The following TAF6 variants were observed in gnomAD, a reference collection of about 807,000 sequenced individuals.
TAF6 encodes TATA-box binding protein associated factor 6, also known as transcription initiation factor TFIID subunit 6.
A neutral mutation model predicts 73.5 loss-of-function variants in TAF6; 50 were observed. The observed-to-expected ratio is 0.68, with a 90% CI of 0.54 to 0.86. The LOEUF (loss-of-function observed/expected upper bound fraction) is 0.86. Ranked by LOEUF, TAF6 falls within the 40% of genes least tolerant of loss-of-function variation. The pLI, the probability that TAF6 is intolerant of heterozygous loss-of-function variation, is 0.00. For synonymous variants in TAF6, 424 were observed against 376.7 expected (o/e 1.13, Z -1.45); for missense variants, 768 against 899.5 (o/e 0.85, Z 1.87).
chr7:100,111,005 G>A, intron 10 of TAF6, 134 bp downstream of exon 10: 1 of 857,976 alleles, frequency 1.2e-6, no homozygotes, highest in African/African-American at 1.7e-5. Context: ...AGGTATTACA[G>A]ACAAGCCTCA....
At chr7:100,114,712 G>GAAA (rs879733958) in intron 1 of TAF6, among the ~76,000 whole-genome samples, 1 of 131,948 alleles carries the variant, frequency 7.6e-6, no homozygotes, top group Admixed American at 7.7e-5. Context: ...TCCGTCTCAG[G>GAAA]AAAAAAAAAA....
chr7:100,113,724 C>G lies in TAF6; in HGVS notation c.289G>C (p.Ala97Pro). The change falls in exon 4 of 15, where the codon GCC (alanine) becomes CCC (proline). Residue 97 changes from alanine to proline, a missense_variant. Physicochemically the swap from Ala to Pro is conservative, Grantham distance 27. Transcript: ENST00000453269. ...TAAAGCTCCCGGCCCCCACCAGAGG[C>G]GAAGCGGAAAGGAATGAACTCCTGG... ...HAQEFIPFRF[A>P]SGGGRELYFY... 6.2e-7 allele frequency: 1 copy of G among 1,613,958 alleles called. No homozygotes were observed. Among genetic ancestry groups the G allele is most frequent in the Non-Finnish European group, 8.5e-7 (1 of 1,180,008 alleles).
chr7:100,126,102 C>T, the TAF6 span, among the ~76,000 whole-genome samples: 1 of 152,132 alleles, frequency 6.6e-6, no homozygotes, highest in African/African-American at 2.4e-5. Context: ...AGAAGAATGG[C>T]GGGAACCCGG....
At chr7:100,124,718 G>A (rs769704167), upstream of TAF6, 35 of 1,613,606 alleles carry the variant, frequency 2.2e-5, no homozygotes, top group East Asian at 4.5e-5. Context: ...TCTGTCATCC[G>A]ATCTAGCATG....
chr7:100,107,640 G>A lies in TAF6; in HGVS notation c.1657-17C>T, dbSNP rs371334205. ...GGACAGGACCTGGATAGAAAGGAAA[G>A]GCAGGCCGCTTGCCCTGTGCCCTCC... On this transcript the variant is annotated splice_polypyrimidine_tract_variant and intron_variant, in intron 14 of 14. Transcript: ENST00000453269. 8 of 1,608,494 alleles carry A rather than the reference G, an allele frequency of 5.0e-6. No individual in the cohort carries two copies. The highest frequency in any genetic ancestry group is 5.1e-6 in the Non-Finnish European group (6 of 1,178,234).
chr7:100,108,707 G>A, intron 12 of TAF6, 167 bp from the exon 13 acceptor site: 2 of 671,016 alleles, frequency 3.0e-6, no homozygotes, highest in Non-Finnish European at 5.0e-6. Context: ...AACTATTAGT[G>A]TGTGTACAGA....
At chr7:100,114,613 G>A in intron 1 of TAF6, 1 of 491,826 alleles carries the variant, frequency 2.0e-6, no homozygotes, top group Non-Finnish European at 3.6e-6. Flanking sequence ...CCAGCTACTA[G>A]GGAGACTAAG....
upstream of TAF6, chr7:100,124,403 T>G (rs1798157711): frequency 1.3e-6 from 1 of 783,606 alleles, no homozygotes; most frequent in South Asian, 1.6e-5. Flanking sequence ...CAAACTTAGC[T>G]TCCTGGCTAC....
At position 100,107,638 on chromosome 7, in the gene TAF6, A is replaced by G; in HGVS notation, c.1657-15T>C. The G allele has an allele frequency of 1.9e-6, 3 of 1,608,548 alleles. No homozygotes were observed. The highest frequency in any genetic ancestry group is 1.7e-6 in the Non-Finnish European group (2 of 1,178,226). ...AGGGACAGGACCTGGATAGAAAGGAAAGGCAGGCCGCTTGCCCTGTGCCCT... is the reference window on the plus strand; with the variant it reads ...AGGGACAGGACCTGGATAGAAAGGAGAGGCAGGCCGCTTGCCCTGTGCCCT... On this transcript the variant is annotated splice_polypyrimidine_tract_variant and intron_variant, in intron 14 of 14. Coordinates refer to ENST00000453269, the MANE Select transcript of TAF6 (RefSeq NM_139315.3).
intron 1 of TAF6, chr7:100,118,774 G>T: frequency 1.2e-6 from 1 of 830,678 alleles, no homozygotes; most frequent in Non-Finnish European, 1.5e-6. Flanking sequence ...GGAAGGATGG[G>T]AAGAGGGAGG....
chr7:100,125,137 A>C, the TAF6 span: 2 of 469,370 alleles, frequency 4.3e-6, no homozygotes, highest in Middle Eastern at 5.6e-4. Flanking sequence ...TGGCAGGTGT[A>C]TGTGCTGACA....
upstream of TAF6, chr7:100,120,036 C>T (rs1194056749): frequency 3.6e-5 from 19 of 528,266 alleles, no homozygotes; most frequent in East Asian, 5.1e-4. Context: ...TGTAGTGCCA[C>T]CTCAAACTGC....
upstream of TAF6, chr7:100,121,117 T>TATACATATA (rs1491228284): frequency 1.1e-3 from 40 of 35,124 alleles, no homozygotes; most frequent in Non-Finnish European, 1.7e-3. Flanking sequence ...TATATATATA[T>TATACATATA]TTTTTTTTTT....
upstream of TAF6, among the ~76,000 whole-genome samples, chr7:100,123,737 G>C (rs188395976): frequency 2.0e-5 from 3 of 152,220 alleles, no homozygotes; most frequent in Admixed American, 2.0e-4. Context: ...GGCCAGGCTG[G>C]TCGAACTCCT....
At chr7:100,118,732 TAGGAGTAGTAC>T in intron 1 of TAF6, 4 of 330,408 alleles carry the variant, frequency 1.2e-5, no homozygotes, top group Non-Finnish European at 1.7e-5. Flanking sequence ...CAATACTGCT[TAGGAGTAGTAC>T]AGGTAGGGTG....
Position 100,108,085 on chromosome 7 carries a change from A to G in TAF6, c.1497T>C (p.Pro499=), listed in dbSNP as rs1461334199. 3.7e-6 allele frequency: 6 copies of G among 1,610,526 alleles called. No homozygotes were observed. In the South Asian group the frequency reaches 6.6e-5, roughly 18 times the overall value. Reference sequence around the variant, plus strand: ...TCAGCAAGCCAGGGGTGCGAGGGCCAGGCTGTGGGGCCTGCGAGAGGGTCA... The same window carrying G: ...TCAGCAAGCCAGGGGTGCGAGGGCCGGGCTGTGGGGCCTGCGAGAGGGTCA... ...PTLTLSQAPQ[P]GPRTPGLLKV... is the part of the protein sequence containing the mutation. The change falls in exon 14 of 15, where the codon CCT becomes CCC. Residue 499 remains proline (P), a synonymous_variant. Coordinates refer to ENST00000453269, the MANE Select transcript of TAF6 (RefSeq NM_139315.3).
At chr7:100,114,722 A>G (rs927251026) in intron 1 of TAF6, among the ~76,000 whole-genome samples, 1 of 151,818 alleles carries the variant, frequency 6.6e-6, no homozygotes, top group Admixed American at 6.6e-5. Flanking sequence ...GAAAAAAAAA[A>G]AAAAAATCTG....
upstream of TAF6, chr7:100,119,639 T>A: frequency 1.2e-6 from 2 of 1,603,032 alleles, no homozygotes; most frequent in Non-Finnish European, 1.7e-6. Flanking sequence ...CCGACCTTCC[T>A]CGGCTGGATT....
chr7:100,119,666 C>G (rs760204447), upstream of TAF6: 2 of 1,611,530 alleles, frequency 1.2e-6, no homozygotes, highest in Non-Finnish European at 1.7e-6. Context: ...TGCCGCTAGC[C>G]GCCTGGGAAT....
Sources: gnomAD v4.1 joint callset for allele counts (sites outside exome capture counted in the v4.1 genomes callset) on GRCh38, gnomAD v4.1.1 for gene constraint, MANE v1.5 for transcripts, NCBI Gene and HGNC (gene_info 2026-07-23, HGNC 2026-07-21) for gene names.